The following SYT7 variants were observed in gnomAD, a reference collection of about 807,000 sequenced individuals.
SYT7 encodes synaptotagmin 7, also known as synaptotagmin-7.
In SYT7, 29 loss-of-function variants were observed where a neutral mutation model predicts 75.1. That is an observed-to-expected ratio of 0.39 (90% CI 0.29 to 0.53). The LOEUF is 0.53. Among genes scored for constraint, SYT7 ranks in the 20% least tolerant of loss-of-function variants. The pLI, the probability that SYT7 is intolerant of heterozygous loss-of-function variation, is 0.77. For missense variants in SYT7, 693 were observed against 953.2 expected (o/e 0.73, Z 3.59); for synonymous variants, 376 against 401.7 (o/e 0.94, Z 0.76).
Position 61,580,331 on chromosome 11 carries a change from G to A in SYT7, c.31+459C>T, listed in dbSNP as rs1003540914. ...CTGGCACCCTCTCAATTCACAGTTG[G>A]CACTGCGATGCCACTCCGCTCCCCT... On this transcript the variant is annotated intron_variant, in intron 1 of 12. Coordinates refer to ENST00000539008, the MANE Select transcript of SYT7 (RefSeq NM_001365809.2). This position sits in a 1 kb window ranked among gnomAD's most constrained non-coding sequence, Gnocchi z 6.1. Among the ~76,000 whole-genome samples the A allele has an allele frequency of 6.6e-6, 1 of 151,992 alleles. No homozygotes were observed. Among genetic ancestry groups the A allele is most frequent in the East Asian group, 1.9e-4 (1 of 5,130 alleles).
Position 61,515,656 on chromosome 11 carries a change from C to T in SYT7, c.*2971G>A, listed in dbSNP as rs1375346875. 6.6e-6 allele frequency: 1 copy of T among 152,624 alleles called. No homozygotes were observed. Among genetic ancestry groups the T allele is most frequent in the Non-Finnish European group, 1.5e-5 (1 of 68,050 alleles). 9.5% of individuals were successfully genotyped at this position (152,624 alleles called of 1,614,324 possible). A position where few individuals can be genotyped will look rare whatever the true frequency, so the allele number is the denominator to read the frequency against. ...TGTGGCTGTTTTCCTCTGTCCCTTC[C>T]CTGGCATCTGGTGCCAGAGGGCAGG... On this transcript the variant is annotated 3_prime_UTR_variant, in exon 13 of 13. Coordinates refer to ENST00000539008, the MANE Select transcript of SYT7 (RefSeq NM_001365809.2).
intron 1 of SYT7, among the ~76,000 whole-genome samples, chr11:61,572,607 ACTG>A (rs2063952857): frequency 6.6e-6 from 1 of 152,206 alleles, no homozygotes; most frequent in Admixed American, 6.5e-5. Context: ...CCCTTGCAAG[ACTG>A]CTGTGAAGAT....
chr11:61,517,043 G>GGCCC lies in SYT7; in HGVS notation c.*1580_*1583dup, dbSNP rs1296994335. Reference sequence around the variant, plus strand: ...CCCTTCTTCTCTTTGGGGTGTCACAGGCCCATCCAGAGTGGAACTGGGGGC... The same window carrying GGCCC: ...CCCTTCTTCTCTTTGGGGTGTCACAGGCCCGCCCATCCAGAGTGGAACTGGGGGC... On this transcript the variant is annotated 3_prime_UTR_variant, in exon 13 of 13. Transcript: ENST00000539008. 7.8e-6 allele frequency: 3 copies of GGCCC among 386,688 alleles called. No individual in the cohort carries two copies. The East Asian group carries it at 1.1e-4, about 14-fold the overall frequency. The allele number at this position is 386,688 out of a possible 1,614,324, so 24.0% of individuals were successfully genotyped here.
intron 1 of SYT7, among the ~76,000 whole-genome samples, chr11:61,558,122 C>T (rs759679536): frequency 1.3e-4 from 20 of 152,310 alleles, no homozygotes; most frequent in Non-Finnish European, 1.5e-4. Context: ...ATAAAGTAAA[C>T]GCCATTCTTA....
intron 1 of SYT7, among the ~76,000 whole-genome samples, chr11:61,577,828 CCT>C (rs904444958): frequency 1.3e-5 from 2 of 152,178 alleles, no homozygotes; most frequent in African/African-American, 4.8e-5. Flanking sequence ...CCAGTGGTTC[CCT>C]CTCTGGCCTT....
At chr11:61,538,112 C>T (rs1294994965) in intron 7 of SYT7, 32 bp downstream of exon 7, 33 of 1,533,834 alleles carry the variant, frequency 2.2e-5, no homozygotes, top group Non-Finnish European at 2.7e-5. Context: ...TTCTCTGCCG[C>T]CGCCGCCGCA....
intron 7 of SYT7, among the ~76,000 whole-genome samples, chr11:61,535,780 C>T (rs1478277803): frequency 2.0e-5 from 3 of 152,202 alleles, no homozygotes; most frequent in African/African-American, 7.2e-5. Flanking sequence ...GTGTCCTCCC[C>T]GGTGACAGCC....
upstream of SYT7, among the ~76,000 whole-genome samples, chr11:61,584,074 G>GA (rs773484361): frequency 2.0e-4 from 30 of 152,140 alleles, no homozygotes; most frequent in Non-Finnish European, 3.5e-4. Context: ...TAAGCATGGT[G>GA]AAAAAATCAA....
Position 61,546,328 on chromosome 11 carries a change from A to C in SYT7, c.348-73T>G. On this transcript the variant is annotated intron_variant, in intron 4 of 12. Transcript: ENST00000539008. This position sits in a 1 kb window ranked among gnomAD's most constrained non-coding sequence, Gnocchi z 7.6. The stretch of plus-strand genomic sequence containing the variant: ...CGGTGGGGGAGAGAGGGCAGGCCAT[A>C]CGTGGGGGTCGGGGGGTGGAAGAGG... The C allele has an allele frequency of 2.9e-6, 3 of 1,045,264 alleles. No homozygotes were observed. Among genetic ancestry groups the C allele is most frequent in the Non-Finnish European group, 2.6e-6 (2 of 759,672 alleles). 64.7% of individuals were successfully genotyped at this position (1,045,264 alleles called of 1,614,324 possible). A position where few individuals can be genotyped will look rare whatever the true frequency, so the allele number is the denominator to read the frequency against.
At position 61,542,358 on chromosome 11, in the gene SYT7, C is replaced by T. The variant is rs930020339; in HGVS notation, c.794G>A (p.Arg265Gln). 36 of 1,530,374 alleles carry T rather than the reference C, an allele frequency of 2.4e-5. No homozygotes were observed. The Admixed American group carries it at 3.4e-4, about 14-fold the overall frequency. 94.8% of individuals were successfully genotyped at this position (1,530,374 alleles called of 1,614,324 possible). Reference sequence around the variant, plus strand: ...CCGAGCCTGGCCCCGGCCATAGGCCCGGGGGTTGGGGCCTGGTGCCGAGGC... The same window carrying T: ...CCGAGCCTGGCCCCGGCCATAGGCCTGGGGGTTGGGGCCTGGTGCCGAGGC... Reference protein sequence around the residue: ...HMASAPGPNPRAYGRGQARQG... With the variant: ...HMASAPGPNPQAYGRGQARQG... Residue 265 changes from arginine (R) to glutamine (Q), a missense_variant, in exon 6 of 13, where the codon CGG becomes CAG. Around this residue, in one of 2 missense-constraint regions of SYT7, gnomAD observed 487 missense variants for 593.2 expected, o/e 0.82. Transcript: ENST00000539008. This position sits in a 1 kb window ranked among gnomAD's most constrained non-coding sequence, Gnocchi z 7.8.
At position 61,514,641 on chromosome 11, in the gene SYT7, G is replaced by C. The variant is rs1381092026; in HGVS notation, c.*3986C>G. 1.3e-5 allele frequency among the ~76,000 whole-genome samples: 2 copies of C among 152,216 alleles called. No individual in the cohort carries two copies. The highest frequency in any genetic ancestry group is 2.9e-5 in the Non-Finnish European group (2 of 68,046). ...AGGGGATGGGGATGGTTATTGCTTT[G>C]TTGTGGCCAGAAGAAACAGGTGGAA... is the stretch of plus-strand genomic sequence containing the variant. On this transcript the variant is annotated 3_prime_UTR_variant, in exon 13 of 13. Transcript: ENST00000539008.
At chr11:61,541,121 G>A (rs1158675887) in intron 6 of SYT7, 11 of 985,412 alleles carry the variant, frequency 1.1e-5, no homozygotes, top group Non-Finnish European at 1.2e-5. Flanking sequence ...CCTGGCTGAG[G>A]TCTCAGAGGA....
chr11:61,564,791 T>C (rs550488463), intron 1 of SYT7, among the ~76,000 whole-genome samples: 1 of 152,372 alleles, frequency 6.6e-6, no homozygotes, highest in South Asian at 2.1e-4. Context: ...GAGACTCCTC[T>C]GACACACACA....
chr11:61,520,851 A>G (rs2062306287), intron 12 of SYT7, among the ~76,000 whole-genome samples: 1 of 152,186 alleles, frequency 6.6e-6, no homozygotes, highest in Non-Finnish European at 1.5e-5. Context: ...AAACAAAACG[A>G]AAAGGATGGG....
At chr11:61,541,866 A>C (rs2063052376) in intron 6 of SYT7, among the ~76,000 whole-genome samples, 1 of 152,146 alleles carries the variant, frequency 6.6e-6, no homozygotes, top group Admixed American at 6.5e-5. Context: ...CGCAGGAGTG[A>C]AGGAAGACTG....
At chr11:61,528,540 C>A (rs1341368069) in intron 8 of SYT7, among the ~76,000 whole-genome samples, 1 of 152,090 alleles carries the variant, frequency 6.6e-6, no homozygotes, top group African/African-American at 2.4e-5. Context: ...GGTTCCTGAG[C>A]CCCCCAGACC....
intron 2 of SYT7, among the ~76,000 whole-genome samples, chr11:61,554,636 G>A (rs999034433): frequency 1.3e-5 from 2 of 152,108 alleles, no homozygotes; most frequent in Non-Finnish European, 2.9e-5. Flanking sequence ...AAGATGCTCC[G>A]GGCTGCAGGT....
intron 8 of SYT7, chr11:61,531,103 C>A: frequency 2.0e-6 from 2 of 985,468 alleles, no homozygotes; most frequent in South Asian, 9.4e-5. Context: ...GTCCAGAGAC[C>A]AGGACAGGCT....
intron 8 of SYT7, among the ~76,000 whole-genome samples, chr11:61,532,666 G>A (rs1320172442): frequency 6.6e-6 from 1 of 152,226 alleles, no homozygotes; most frequent in Admixed American, 6.5e-5. Flanking sequence ...TCTTGCATGA[G>A]TGGGTTTTCT....
Sources: allele counts gnomAD v4.1 joint callset (sites outside exome capture counted in the v4.1 genomes callset), GRCh38; gene constraint gnomAD v4.1.1; regional missense constraint gnomAD v4.1.1; non-coding constraint Gnocchi (gnomAD v3.1); transcripts MANE v1.5; gene names NCBI Gene and HGNC (gene_info 2026-07-23, HGNC 2026-07-21).